The following SLC28A1 variants were observed in gnomAD, a reference collection of about 807,000 sequenced individuals.
The protein encoded by SLC28A1 is sodium/nucleoside cotransporter 1.
Under a neutral mutation model 74.8 loss-of-function variants are expected in SLC28A1, and 64 were observed. The observed-to-expected ratio is 0.86, with a 90% CI of 0.70 to 1.05. SLC28A1 has a LOEUF of 1.05. Ranked by LOEUF, SLC28A1 falls within the 50% of genes least tolerant of loss-of-function variation. The pLI, the probability that SLC28A1 is intolerant of heterozygous loss-of-function variation, is 0.00. For missense variants in SLC28A1, 828 were observed against 822.8 expected (o/e 1.01, Z -0.08); for synonymous variants, 359 against 335.0 (o/e 1.07, Z -0.78).
intron 6 of SLC28A1, among the ~76,000 whole-genome samples, chr15:84,902,599 G>A (rs1012340130): frequency 6.6e-6 from 1 of 152,130 alleles, no homozygotes; most frequent in Non-Finnish European, 1.5e-5. Context: ...CTTGATTGCG[G>A]TGATGGTTTC....
the SLC28A1 span, among the ~76,000 whole-genome samples, chr15:84,974,758 TG>T: frequency 6.6e-6 from 1 of 152,190 alleles, no homozygotes; most frequent in Non-Finnish European, 1.5e-5. Context: ...AGCTTTAGGA[TG>T]CAGGAGACAG....
chr15:84,898,579 C>CA (rs34936074), intron 6 of SLC28A1, among the ~76,000 whole-genome samples: 9,465 of 138,096 alleles, frequency 0.069, 999 homozygotes, highest in African/African-American at 0.23. Flanking sequence ...ACTCCATCAC[C>CA]AAAAAAAAAA....
At chr15:84,904,043 G>C in intron 6 of SLC28A1, 54 bp from the exon 7 acceptor site, 1 of 1,612,472 alleles carries the variant, frequency 6.2e-7, no homozygotes, top group South Asian at 1.1e-5. Flanking sequence ...ATTGTGTGTG[G>C]GTGGGGTGGG....
chr15:84,973,705 C>T, the SLC28A1 span, among the ~76,000 whole-genome samples: 1 of 152,224 alleles, frequency 6.6e-6, no homozygotes. Context: ...TAATTATACG[C>T]TCGCGTAGTT....
At chr15:84,898,502 C>G (rs761954127) in intron 6 of SLC28A1, among the ~76,000 whole-genome samples, 5 of 151,024 alleles carry the variant, frequency 3.3e-5, no homozygotes, top group Non-Finnish European at 7.4e-5. Flanking sequence ...TGGTGTGAAC[C>G]CAGGAGGCAG....
rs890267931 is a variant in SLC28A1, at chr15:84,911,996, C to T, written c.795+3201C>T. 1.3e-5 allele frequency among the ~76,000 whole-genome samples: 2 copies of T among 152,128 alleles called. 1 individual carries two copies. Among genetic ancestry groups the T allele is most frequent in the South Asian group, 4.1e-4 (2 of 4,822 alleles). ...TATCATTAACCAGCCTCAGCATTTC[C>T]CAGCGAAACACCAGCAGTTTCCTGG... On this transcript the variant is annotated intron_variant, in intron 9 of 18. Transcript: ENST00000394573.
At chr15:84,906,499 GGTTT>G (rs141096497) in intron 8 of SLC28A1, among the ~76,000 whole-genome samples, 7,007 of 117,090 alleles carry the variant, frequency 0.06, 382 homozygotes, top group African/African-American at 0.09. Flanking sequence ...ATTAAAACAT[GGTTT>G]GTTTGTTTGT....
At chr15:84,891,676 T>C (rs1313277332) in intron 5 of SLC28A1, among the ~76,000 whole-genome samples, 1 of 152,162 alleles carries the variant, frequency 6.6e-6, no homozygotes, top group East Asian at 1.9e-4. Context: ...TCCACCGATT[T>C]AGGGACAAGG....
chr15:84,901,067 C>T (rs972169697), intron 6 of SLC28A1, among the ~76,000 whole-genome samples: 1 of 151,870 alleles, frequency 6.6e-6, no homozygotes, highest in African/African-American at 2.4e-5. Flanking sequence ...ACTAAAAATA[C>T]AAAAATTAGC....
At chr15:84,923,724 C>T (rs574453158) in intron 11 of SLC28A1, among the ~76,000 whole-genome samples, 11 of 152,226 alleles carry the variant, frequency 7.2e-5, no homozygotes, top group South Asian at 2.1e-4. Flanking sequence ...ACAAAGGTGA[C>T]GTGCTTAGCG....
intron 10 of SLC28A1, among the ~76,000 whole-genome samples, chr15:84,920,424 T>G (rs1969665677): frequency 6.9e-6 from 1 of 145,138 alleles, no homozygotes; most frequent in Admixed American, 7.2e-5. Flanking sequence ...CCAGCCTGGG[T>G]GACAGAACGA....
chr15:84,921,091 C>T, intron 11 of SLC28A1, 22 bp downstream of exon 11: 1 of 1,583,588 alleles, frequency 6.3e-7, no homozygotes, highest in Non-Finnish European at 8.7e-7. Context: ...AGCCTCCTAC[C>T]CTCATGCTCA....
the SLC28A1 span, among the ~76,000 whole-genome samples, chr15:84,955,901 C>T: frequency 6.6e-6 from 1 of 152,166 alleles, no homozygotes; most frequent in African/African-American, 2.4e-5. Flanking sequence ...CCTTCCTGAT[C>T]AAGGGATAGG....
In SLC28A1 at chr15:84,890,543, G is replaced by A; in HGVS notation, c.277+9G>A. 1.9e-6 allele frequency: 3 copies of A among 1,604,670 alleles called. No individual in the cohort carries two copies. Among genetic ancestry groups the A allele is most frequent in the Non-Finnish European group, 2.6e-6 (3 of 1,175,288 alleles). On this transcript the variant is annotated intron_variant, in intron 5 of 18. Coordinates refer to ENST00000394573, the MANE Select transcript of SLC28A1 (RefSeq NM_004213.5). The stretch of plus-strand genomic sequence containing the variant: ...AGGCCTGCTCTGCACTGGTGAGCCT[G>A]GGGCCCAGCACTACCCAGGACACAA...
intron 5 of SLC28A1, 75 bp from the exon 6 acceptor site, chr15:84,894,865 G>C: frequency 7.0e-7 from 1 of 1,436,618 alleles, no homozygotes; most frequent in Non-Finnish European, 9.8e-7. Flanking sequence ...GTAAGGTGGA[G>C]TCCGCGGGCG....
At chr15:84,947,711 G>A (rs1170460094), downstream of SLC28A1, among the ~76,000 whole-genome samples, 1 of 152,090 alleles carries the variant, frequency 6.6e-6, no homozygotes, top group African/African-American at 2.4e-5. Context: ...AGATCCCTGG[G>A]GCCTCTTGCA....
At chr15:84,936,878 C>A (rs1972002364) in intron 15 of SLC28A1, among the ~76,000 whole-genome samples, 1 of 151,852 alleles carries the variant, frequency 6.6e-6, no homozygotes, top group African/African-American at 2.4e-5. Context: ...CATAATGAGC[C>A]CCTGTCTTTA....
chr15:84,946,108 ATATATTT>A (rs1313094240), downstream of SLC28A1, among the ~76,000 whole-genome samples: 1 of 11,124 alleles, frequency 9.0e-5, no homozygotes, highest in African/African-American at 2.7e-4. Flanking sequence ...ATATATATAT[ATATATTT>A]TTTTTTTTTT....
intron 6 of SLC28A1, chr15:84,895,402 G>C (rs376200964): frequency 6.2e-7 from 1 of 1,613,948 alleles, no homozygotes; most frequent in Non-Finnish European, 8.5e-7. Flanking sequence ...GGAGCAAGGA[G>C]GGCCCGAATC....
Sources: allele counts gnomAD v4.1 joint callset (sites outside exome capture counted in the v4.1 genomes callset), GRCh38; gene constraint gnomAD v4.1.1; transcripts MANE v1.5; gene names NCBI Gene and HGNC (gene_info 2026-07-23, HGNC 2026-07-21).